Variants in NTM observed in about 807,000 individuals in gnomAD.
NTM encodes the protein IgLON family member 2.
In NTM, 13 loss-of-function variants were observed where a neutral mutation model predicts 42.1. The ratio of observed to expected loss-of-function variants is 0.31; its 90% CI spans 0.20 to 0.49. The LOEUF is 0.49. Among genes scored for constraint, NTM ranks in the 20% least tolerant of loss-of-function variants. The pLI, the probability that NTM is intolerant of heterozygous loss-of-function variation, is 0.99. For synonymous variants in NTM, 187 were observed against 179.2 expected, an observed-to-expected ratio of 1.04 and a Z score of -0.35; for missense variants, 373 against 452.8, an observed-to-expected ratio of 0.82 and a Z score of 1.60.
At chr11:132,279,779 A>G (rs889337267) in intron 4 of NTM, among the ~76,000 whole-genome samples, 1 of 152,018 alleles carries the variant, frequency 6.6e-6, no homozygotes, top group Non-Finnish European at 1.5e-5. Context: ...CACACACAAG[A>G]TCTCTGTAGA....
chr11:132,022,062 G>A (rs1173025763), intron 2 of NTM, among the ~76,000 whole-genome samples: 2 of 152,178 alleles, frequency 1.3e-5, no homozygotes, highest in South Asian at 2.1e-4. Context: ...ACTGGCTGTG[G>A]TGTCACTCAC....
At position 131,503,740 on chromosome 11, in the gene NTM, G is replaced by A. The variant is rs528322268; in HGVS notation, c.82+132852G>A. Among the ~76,000 whole-genome samples, 70 of 152,146 alleles carry A rather than the reference G, an allele frequency of 4.6e-4. 4 individuals carry two copies. In the South Asian group the frequency reaches 0.015, roughly 32 times the overall value. On this transcript the variant is annotated intron_variant, in intron 1 of 8. Transcript: ENST00000683400. ...AGTCTCACTGTGTTGCTCAGCCTGG[G>A]CTCAAGTGATCCTCCTTCCTTGGCC...
intron 1 of NTM, among the ~76,000 whole-genome samples, chr11:131,560,939 C>T (rs182354168): frequency 7.9e-5 from 12 of 152,146 alleles, no homozygotes; most frequent in African/African-American, 2.9e-4. Context: ...TTTCCCATGC[C>T]CCCAGGCTGA....
intron 1 of NTM, among the ~76,000 whole-genome samples, chr11:131,564,749 A>G (rs2056670522): frequency 6.6e-6 from 1 of 152,180 alleles, no homozygotes; most frequent in African/African-American, 2.4e-5. Context: ...CCCCTTAACA[A>G]TTGTGACTTT....
chr11:131,942,049 T>C (rs2059847045), intron 2 of NTM, among the ~76,000 whole-genome samples: 1 of 152,200 alleles, frequency 6.6e-6, no homozygotes, highest in Non-Finnish European at 1.5e-5. Flanking sequence ...GCCAGAGTTT[T>C]GTTAGGTGCT....
At position 131,761,139 on chromosome 11, in the gene NTM, G is replaced by T. The variant is rs1415521319; in HGVS notation, c.83-150425G>T. Among the ~76,000 whole-genome samples the T allele has an allele frequency of 2.0e-5, 3 of 152,260 alleles. No individual in the cohort carries two copies. The East Asian group carries it at 5.8e-4, about 30-fold the overall frequency. On this transcript the variant is annotated intron_variant, in intron 1 of 8. Transcript: ENST00000683400. ...GGTGCCAGACTAAATCAGAGACGCC[G>T]TGAAAGTGGCAAGAGGCAGGGAGGA...
chr11:132,188,614 T>C (rs2078811428), intron 3 of NTM, among the ~76,000 whole-genome samples: 1 of 152,128 alleles, frequency 6.6e-6, no homozygotes, highest in Non-Finnish European at 1.5e-5. Context: ...CAGATAAAAA[T>C]AGGAATTCCC....
At chr11:131,944,133 T>C (rs1200654971) in intron 2 of NTM, among the ~76,000 whole-genome samples, 2 of 152,348 alleles carry the variant, frequency 1.3e-5, no homozygotes, top group African/African-American at 4.8e-5. Context: ...GATATGCTTT[T>C]GGTAGCAGAT....
chr11:132,121,250 A>C (rs924216273), intron 2 of NTM, among the ~76,000 whole-genome samples: 4 of 152,170 alleles, frequency 2.6e-5, no homozygotes, highest in African/African-American at 4.8e-5. Flanking sequence ...TTTGAATATG[A>C]AATCAGGGTC....
In NTM at chr11:131,614,769, C is replaced by T. The variant is rs143254848; in HGVS notation, c.82+243881C>T. ...CTCAGAGCACATAAAACTGTTGCAG[C>T]TGCATATTGTCCATCAAGACTATGA... On this transcript the variant is annotated intron_variant, in intron 1 of 8. Coordinates refer to ENST00000683400, the MANE Select transcript of NTM (RefSeq NM_001352005.2). Among the ~76,000 whole-genome samples the T allele has an allele frequency of 3.5e-3, 529 of 152,360 alleles. 1 individual carries two copies. The highest frequency in any genetic ancestry group is 0.01 in the Middle Eastern group (3 of 294).
At chr11:131,897,603 TTA>T (rs2052506415) in intron 1 of NTM, among the ~76,000 whole-genome samples, 1 of 152,204 alleles carries the variant, frequency 6.6e-6, no homozygotes, top group South Asian at 2.1e-4. Context: ...GCATGGGAAA[TTA>T]TAAGCAGAAA....
intron 4 of NTM, among the ~76,000 whole-genome samples, chr11:132,219,633 C>G (rs1052268892): frequency 7.2e-5 from 11 of 151,968 alleles, no homozygotes; most frequent in African/African-American, 2.7e-4. Flanking sequence ...AGGCCCTCCC[C>G]CCCCACTGTC....
intron 1 of NTM, among the ~76,000 whole-genome samples, chr11:131,452,359 T>G (rs570514718): frequency 6.6e-6 from 1 of 152,166 alleles, no homozygotes; most frequent in Non-Finnish European, 1.5e-5. Context: ...GGCAGGGAGT[T>G]CACCTTTGAA....
intron 4 of NTM, among the ~76,000 whole-genome samples, chr11:132,276,780 G>A (rs2093742320): frequency 6.6e-6 from 1 of 151,862 alleles, no homozygotes; most frequent in South Asian, 2.1e-4. Context: ...CCTGTATATG[G>A]GTTCCTGCAG....
intron 1 of NTM, among the ~76,000 whole-genome samples, chr11:131,674,500 T>C (rs1425680264): frequency 6.6e-6 from 1 of 152,174 alleles, no homozygotes; most frequent in Non-Finnish European, 1.5e-5. Flanking sequence ...TGCTCTGGCC[T>C]TGAGGATGCT....
chr11:131,785,775 A>T (rs1197473534), intron 1 of NTM, among the ~76,000 whole-genome samples: 1 of 152,256 alleles, frequency 6.6e-6, no homozygotes, highest in Non-Finnish European at 1.5e-5. Context: ...TAACCTAACA[A>T]TACAATGCAA....
At chr11:131,994,301 G>A (rs2067584832) in intron 2 of NTM, among the ~76,000 whole-genome samples, 1 of 152,122 alleles carries the variant, frequency 6.6e-6, no homozygotes, top group African/African-American at 2.4e-5. Flanking sequence ...GGGGTGGGAA[G>A]GGAGTTCTGA....
chr11:132,013,853 C>G (rs553776714), intron 2 of NTM, among the ~76,000 whole-genome samples: 6 of 152,002 alleles, frequency 3.9e-5, no homozygotes, highest in Non-Finnish European at 8.8e-5. Context: ...ATAGCCGTCA[C>G]TTGGGTATTT....
Position 132,146,692 on chromosome 11 carries a change from A to G in NTM, c.400+178A>G. ...GAAGCTAAATTTTCCAGTCATTTTC[A>G]TTGAGTGGAACTAGGAATTGTTTTT... On this transcript the variant is annotated intron_variant, in intron 3 of 8. Coordinates refer to ENST00000683400, the MANE Select transcript of NTM (RefSeq NM_001352005.2). The surrounding 1 kb of genome is among the most constrained non-coding windows in gnomAD (Gnocchi z 4.5). 1.8e-6 allele frequency: 1 copy of G among 560,672 alleles called. No individual in the cohort carries two copies. The highest frequency in any genetic ancestry group is 2.9e-5 in the East Asian group (1 of 34,370). The allele number at this position is 560,672 out of a possible 1,614,324, so 34.7% of individuals were successfully genotyped here.
Sources: gnomAD v4.1 joint callset for allele counts (sites outside exome capture counted in the v4.1 genomes callset) on GRCh38, gnomAD v4.1.1 for gene constraint, Gnocchi (gnomAD v3.1) non-coding constraint, MANE v1.5 for transcripts, NCBI Gene and HGNC (gene_info 2026-07-23, HGNC 2026-07-21) for gene names.